CDC42BPA: variants seen among roughly 807,000 people sequenced by gnomAD.
CDC42BPA encodes the protein CDC42 binding protein kinase alpha.
A neutral mutation model predicts 223.5 loss-of-function variants in CDC42BPA; 80 were observed. That is an observed-to-expected ratio of 0.36 (90% CI 0.30 to 0.43). The LOEUF is 0.43. Ranked by LOEUF, CDC42BPA falls within the 20% of genes least tolerant of loss-of-function variation. The pLI, the probability that CDC42BPA is intolerant of heterozygous loss-of-function variation, is 1.00. For synonymous variants in CDC42BPA, 694 were observed against 718.6 expected (o/e 0.97, Z 0.55); for missense variants, 1,743 against 2,099.9 (o/e 0.83, Z 3.32).
rs1157188899 is a variant in CDC42BPA at position 226,994,603 on chromosome 1, G to GA, written c.5134-205dup. Among the ~76,000 whole-genome samples, 1 of 152,176 alleles carries GA rather than the reference G, an allele frequency of 6.6e-6. No individual in the cohort carries two copies. Among genetic ancestry groups the GA allele is most frequent in the Non-Finnish European group, 1.5e-5 (1 of 68,034 alleles). ...GTCCTTTCTGTAGGCCTTTACAGATGATGGTATTTTCACACAAAAGCCAGA... is the reference window on the plus strand; with the variant it reads ...GTCCTTTCTGTAGGCCTTTACAGATGAATGGTATTTTCACACAAAAGCCAGA... On this transcript the variant is annotated intron_variant, in intron 36 of 36. Transcript: ENST00000366766. The surrounding 1 kb of genome is among the most constrained non-coding windows in gnomAD (Gnocchi z 4.0).
chr1:227,193,861 T>G lies in CDC42BPA; in HGVS notation c.524A>C (p.Glu175Ala). The G allele has an allele frequency of 6.2e-7, 1 of 1,613,486 alleles. No homozygotes were observed. The highest frequency in any genetic ancestry group is 1.1e-5 in the South Asian group (1 of 90,962). Reference protein sequence around the residue: ...LLSKFEDRLPEDMARFYLAEM... With the variant: ...LLSKFEDRLPADMARFYLAEM... ...AGCCAAGTAAAATCTAGCCATATCT[T>G]CAGGCAATCTATCTTCAAATTTGCT... Residue 175 changes from glutamate (E) to alanine (A), a missense_variant, in exon 5 of 37, where the codon GAA (glutamate) becomes GCA (alanine). Physicochemically the swap from Glu to Ala is moderately radical, Grantham distance 107. Transcript: ENST00000366766.
chr1:227,246,382 AACTC>A (rs144806905), intron 2 of CDC42BPA, among the ~76,000 whole-genome samples: 8,248 of 152,188 alleles, frequency 0.054, 246 homozygotes, highest in Non-Finnish European at 0.073. Context: ...GGCCTGGGGA[AACTC>A]ACCACCCTGA....
At chr1:227,261,124 C>CTTTTTTTTTATTTTTTTTTTTTTTTT (rs386369874) in intron 1 of CDC42BPA, among the ~76,000 whole-genome samples, 1 of 121,002 alleles carries the variant, frequency 8.3e-6, no homozygotes, top group Non-Finnish European at 1.7e-5. Flanking sequence ...TTGAGTTTTT[C>CTTTTTTTTTATTTTTTTTTTTTTTTT]TTTTTTTTTG....
intron 21 of CDC42BPA, among the ~76,000 whole-genome samples, chr1:227,068,255 G>A (rs1209916869): frequency 6.6e-6 from 1 of 151,072 alleles, no homozygotes; most frequent in Non-Finnish European, 1.5e-5. Context: ...TACCACCAGA[G>A]GTTTATTTTT....
chr1:227,122,805 T>C (rs946126147), intron 11 of CDC42BPA, among the ~76,000 whole-genome samples: 16 of 152,150 alleles, frequency 1.1e-4, no homozygotes, highest in African/African-American at 3.9e-4. Context: ...GAAAACCCCA[T>C]ATCACGAAAA....
intron 1 of CDC42BPA, among the ~76,000 whole-genome samples, chr1:227,316,385 T>TCA (rs1237639374): frequency 1.3e-5 from 2 of 152,204 alleles, no homozygotes; most frequent in Admixed American, 6.5e-5. Flanking sequence ...TCGAGTAAAA[T>TCA]CTAACTCTCA....
At chr1:227,140,818 C>T (rs920526137) in intron 9 of CDC42BPA, among the ~76,000 whole-genome samples, 3 of 152,000 alleles carry the variant, frequency 2.0e-5, no homozygotes, top group Non-Finnish European at 2.9e-5. Flanking sequence ...TTTAAGTAGA[C>T]GAGAGGAGAG....
At chr1:227,197,590 C>T (rs1321236817) in intron 4 of CDC42BPA, among the ~76,000 whole-genome samples, 1 of 151,862 alleles carries the variant, frequency 6.6e-6, no homozygotes, top group African/African-American at 2.4e-5. Flanking sequence ...ACAGTTCAGG[C>T]TTTTTTTGCT....
chr1:227,177,907 A>G (rs1038514637), intron 5 of CDC42BPA, among the ~76,000 whole-genome samples: 2 of 152,046 alleles, frequency 1.3e-5, no homozygotes, highest in African/African-American at 2.4e-5. Flanking sequence ...CTTTATTCCT[A>G]TGTAATCTCC....
chr1:226,997,240 C>A (rs1233197515), intron 35 of CDC42BPA, among the ~76,000 whole-genome samples: 1 of 152,064 alleles, frequency 6.6e-6, no homozygotes, highest in Non-Finnish European at 1.5e-5. Context: ...TATTTTATTT[C>A]TGTAGAGGTG....
chr1:227,162,868 A>ATATGTGTGTGTGTGTGTGTGTGTGTGTG lies in CDC42BPA; in HGVS notation c.600-2233_600-2232insCACACACACACACACACACACACACATA, dbSNP rs1553371209. 1.1e-3 allele frequency among the ~76,000 whole-genome samples: 158 copies of ATATGTGTGTGTGTGTGTGTGTGTGTGTG among 149,462 alleles called. 5 individuals carry two copies. The East Asian group carries it at 0.022, about 21-fold the overall frequency. On this transcript the variant is annotated intron_variant, in intron 5 of 36. Transcript: ENST00000366766. ...AAAAAATAAAATAAAATAAATATAT[A>ATATGTGTGTGTGTGTGTGTGTGTGTGTG]TGTGTGTGTGTGTGTGTGTTTCCAA...
chr1:227,275,940 C>T (rs1463085810), intron 1 of CDC42BPA, among the ~76,000 whole-genome samples: 1 of 138,928 alleles, frequency 7.2e-6, no homozygotes, highest in East Asian at 2.8e-4. Flanking sequence ...GTGGCCTGAT[C>T]TCGGCTCGCT....
intron 1 of CDC42BPA, among the ~76,000 whole-genome samples, chr1:227,311,786 G>A (rs1309992636): frequency 6.6e-6 from 1 of 151,154 alleles, no homozygotes; most frequent in African/African-American, 2.4e-5. Flanking sequence ...CAGGAACACA[G>A]TATTCATTCT....
chr1:227,181,395 T>A (rs1305307563), intron 5 of CDC42BPA, among the ~76,000 whole-genome samples: 1 of 152,226 alleles, frequency 6.6e-6, no homozygotes, highest in African/African-American at 2.4e-5. Flanking sequence ...AAATATTATT[T>A]CAGAACCTCA....
chr1:227,312,584 G>A (rs1414398506), intron 1 of CDC42BPA, among the ~76,000 whole-genome samples: 1 of 152,106 alleles, frequency 6.6e-6, no homozygotes, highest in Non-Finnish European at 1.5e-5. Context: ...TGGGTGTGGT[G>A]GTGCATGCCT....
chr1:227,223,003 T>C (rs567534589), intron 2 of CDC42BPA, among the ~76,000 whole-genome samples: 72 of 152,116 alleles, frequency 4.7e-4, no homozygotes, highest in Non-Finnish European at 8.1e-4. Context: ...GACAGTACCA[T>C]AACAGTACTA....
chr1:227,130,287 CGT>C (rs757155482), intron 10 of CDC42BPA, among the ~76,000 whole-genome samples: 12 of 151,274 alleles, frequency 7.9e-5, no homozygotes, highest in African/African-American at 2.2e-4. Flanking sequence ...TGCATATGTA[CGT>C]GTGTGTGTGT....
chr1:227,162,965 CGT>C (rs375927747), intron 5 of CDC42BPA, among the ~76,000 whole-genome samples: 2 of 134,672 alleles, frequency 1.5e-5, no homozygotes, highest in South Asian at 2.5e-4. Flanking sequence ...TGTTTCCAAA[CGT>C]GTGTATGTTT....
At chr1:227,171,774 T>C (rs1398499219) in intron 5 of CDC42BPA, among the ~76,000 whole-genome samples, 3 of 152,194 alleles carry the variant, frequency 2.0e-5, no homozygotes, top group Non-Finnish European at 4.4e-5. Context: ...AGTTAATCTA[T>C]ATAGTTTCAA....
Sources: allele counts gnomAD v4.1 joint callset (sites outside exome capture counted in the v4.1 genomes callset), GRCh38; gene constraint gnomAD v4.1.1; non-coding constraint Gnocchi (gnomAD v3.1); transcripts MANE v1.5; gene names NCBI Gene and HGNC (gene_info 2026-07-23, HGNC 2026-07-21).